Variants in SIPA1L3 observed in about 807,000 individuals in gnomAD.
SIPA1L3 encodes signal-induced proliferation-associated 1-like protein 3.
In SIPA1L3, 59 loss-of-function variants were observed where a neutral mutation model predicts 150.1. The ratio of observed to expected loss-of-function variants is 0.39; its 90% CI spans 0.32 to 0.49. The LOEUF is 0.49. Ranked by LOEUF, SIPA1L3 falls within the 20% of genes least tolerant of loss-of-function variation. The pLI, the probability that SIPA1L3 is intolerant of heterozygous loss-of-function variation, is 0.86. For synonymous variants in SIPA1L3, 1,070 were observed against 1,077.6 expected, an observed-to-expected ratio of 0.99 and a Z score of 0.14; for missense variants, 2,211 against 2,489.5, an observed-to-expected ratio of 0.89 and a Z score of 2.38.
At chr19:37,976,407 G>A (rs1052864450) in intron 1 of SIPA1L3, among the ~76,000 whole-genome samples, 1 of 152,168 alleles carries the variant, frequency 6.6e-6, no homozygotes, top group Non-Finnish European at 1.5e-5. Context: ...GCAGCACTGG[G>A]AAGCAGTGCC....
intron 2 of SIPA1L3, among the ~76,000 whole-genome samples, chr19:38,035,033 G>C (rs1406794034): frequency 2.6e-5 from 4 of 152,196 alleles, no homozygotes; most frequent in African/African-American, 9.7e-5. Flanking sequence ...GAGTGGTCAG[G>C]TCTGTGATCG....
intron 1 of SIPA1L3, among the ~76,000 whole-genome samples, chr19:37,931,863 G>A (rs2046557095): frequency 6.6e-6 from 1 of 152,188 alleles, no homozygotes; most frequent in South Asian, 2.1e-4. Context: ...GTGACCTCCA[G>A]CCTATGACTT....
At chr19:38,021,770 T>C (rs1968378141) in intron 1 of SIPA1L3, among the ~76,000 whole-genome samples, 1 of 152,136 alleles carries the variant, frequency 6.6e-6, no homozygotes, top group Non-Finnish European at 1.5e-5. Flanking sequence ...GGTCTCTAAC[T>C]CCTGGGCTCA....
At position 38,208,042 on chromosome 19, in the gene SIPA1L3, T is replaced by TTTCC. The variant is rs2146085499; in HGVS notation, c.*1804_*1805insCCTT. On this transcript the variant is annotated 3_prime_UTR_variant, in exon 22 of 22. Transcript: ENST00000222345. ...CCCTCATCGGGTCCCTTTTTTTTTT[T>TTTCC]TTTTTTCAGTTGTCTCCTCCCATCT... is the stretch of plus-strand genomic sequence containing the variant. 1 of 149,228 alleles carries TTTCC rather than the reference T, an allele frequency of 6.7e-6. No individual in the cohort carries two copies. Among genetic ancestry groups the TTTCC allele is most frequent in the East Asian group, 2.0e-4 (1 of 5,070 alleles). The allele number at this position is 149,228 out of a possible 1,614,324, so 9.2% of individuals were successfully genotyped here.
At chr19:38,044,218 G>A (rs760869760) in intron 2 of SIPA1L3, among the ~76,000 whole-genome samples, 9 of 152,228 alleles carry the variant, frequency 5.9e-5, no homozygotes, top group Non-Finnish European at 1.0e-4. Context: ...AAGAATCAGA[G>A]ACGTGGCTGA....
At chr19:38,134,103 C>T (rs1410456157) in intron 10 of SIPA1L3, among the ~76,000 whole-genome samples, 1 of 151,884 alleles carries the variant, frequency 6.6e-6, no homozygotes, top group African/African-American at 2.4e-5. Flanking sequence ...TCTGCCTCAT[C>T]CTCCCGAGTA....
intron 9 of SIPA1L3, among the ~76,000 whole-genome samples, 198 bp from the exon 10 acceptor site, chr19:38,130,300 T>C (rs1971275335): frequency 6.6e-6 from 1 of 152,174 alleles, no homozygotes; most frequent in African/African-American, 2.4e-5. Context: ...CATATCCACA[T>C]TTCCCCTCCA....
chr19:38,067,540 A>G (rs1265034745), intron 2 of SIPA1L3, among the ~76,000 whole-genome samples: 1 of 152,128 alleles, frequency 6.6e-6, no homozygotes, highest in African/African-American at 2.4e-5. Flanking sequence ...AGGCGGGCAG[A>G]TAACCTGAGG....
In SIPA1L3 at chr19:38,101,054, C is replaced by T; in HGVS notation, c.1857C>T (p.Leu619=). 2.6e-6 allele frequency: 4 copies of T among 1,552,246 alleles called. No individual in the cohort carries two copies. Among genetic ancestry groups the T allele is most frequent in the Non-Finnish European group, 3.5e-6 (4 of 1,148,210 alleles). Residue 619 remains leucine (L), a splice_region_variant and synonymous_variant, in exon 6 of 22, where the codon CTC becomes CTT. Transcript: ENST00000222345. ...CAAAGCCACTCTTGCCTCTGCAGCT[C>T]TGCCGGAAGCACAAGGTGGGCATCC... is the stretch of plus-strand genomic sequence containing the variant. ...EQLLKLDEQG[L]CRKHKVGILY... is the part of the protein sequence containing the mutation.
intron 12 of SIPA1L3, among the ~76,000 whole-genome samples, chr19:38,150,624 C>T (rs332843): frequency 0.34 from 51,523 of 151,010 alleles, 10,269 homozygotes; most frequent in Middle Eastern, 0.52. Flanking sequence ...CCGCAATCTC[C>T]GCCTCCCAGG....
At chr19:38,174,491 T>A (rs996493845) in intron 15 of SIPA1L3, among the ~76,000 whole-genome samples, 2 of 152,256 alleles carry the variant, frequency 1.3e-5, no homozygotes, top group East Asian at 3.9e-4. Context: ...TTACCCCAAC[T>A]GCGTGATCTC....
intron 1 of SIPA1L3, among the ~76,000 whole-genome samples, chr19:38,014,654 G>A (rs1416530858): frequency 7.4e-6 from 1 of 134,754 alleles, no homozygotes; most frequent in African/African-American, 2.9e-5. Context: ...CTGGGCTCAA[G>A]CGATCCTCCC....
At chr19:37,917,274 G>A (rs530854806) in intron 1 of SIPA1L3, among the ~76,000 whole-genome samples, 49 of 152,296 alleles carry the variant, frequency 3.2e-4, no homozygotes, top group Non-Finnish European at 5.6e-4. Flanking sequence ...AGCACTGGCC[G>A]AGGGTATGAG....
At chr19:38,055,492 C>T (rs1332513327) in intron 2 of SIPA1L3, among the ~76,000 whole-genome samples, 2 of 152,250 alleles carry the variant, frequency 1.3e-5, no homozygotes, top group Non-Finnish European at 2.9e-5. Flanking sequence ...TCCCATCCCC[C>T]ATCCCCTGCA....
At chr19:38,029,949 G>A (rs1968607926) in intron 2 of SIPA1L3, among the ~76,000 whole-genome samples, 2 of 151,386 alleles carry the variant, frequency 1.3e-5, no homozygotes, top group South Asian at 4.2e-4. Context: ...CCACCTCCCA[G>A]GTTCAAGTGA....
intron 2 of SIPA1L3, among the ~76,000 whole-genome samples, chr19:38,080,805 A>G (rs1460507515): frequency 6.6e-6 from 1 of 152,000 alleles, no homozygotes; most frequent in Non-Finnish European, 1.5e-5. Context: ...CCCCGTCTCT[A>G]CTAAAAATAA....
At chr19:38,032,680 C>T (rs921619323) in intron 2 of SIPA1L3, among the ~76,000 whole-genome samples, 2 of 151,944 alleles carry the variant, frequency 1.3e-5, no homozygotes, top group Admixed American at 6.6e-5. Flanking sequence ...TACTAAACCC[C>T]GTCTCTACTA....
At chr19:38,018,598 A>G (rs1968293340) in intron 1 of SIPA1L3, among the ~76,000 whole-genome samples, 2 of 152,084 alleles carry the variant, frequency 1.3e-5, no homozygotes, top group Non-Finnish European at 2.9e-5. Flanking sequence ...TTCTTGCTTC[A>G]TTCCTTTTAT....
intron 2 of SIPA1L3, among the ~76,000 whole-genome samples, chr19:38,074,447 C>CTG (rs1969794603): frequency 6.6e-6 from 1 of 152,232 alleles, no homozygotes; most frequent in African/African-American, 2.4e-5. Context: ...ACTAATCCTC[C>CTG]CTCCGCACTC....
Sources: gnomAD v4.1 joint callset for allele counts (sites outside exome capture counted in the v4.1 genomes callset) on GRCh38, gnomAD v4.1.1 for gene constraint, MANE v1.5 for transcripts, NCBI Gene and HGNC (gene_info 2026-07-23, HGNC 2026-07-21) for gene names.